Variants in SLC24A2 observed in about 807,000 individuals in gnomAD.
The protein encoded by SLC24A2 is solute carrier family 24 member 2.
A neutral mutation model predicts 62.0 loss-of-function variants in SLC24A2; 36 were observed. The observed-to-expected ratio is 0.58, with a 90% CI of 0.44 to 0.77. The LOEUF is 0.77. SLC24A2 is among the 30% of genes least tolerant of loss of function. The pLI, the probability that SLC24A2 is intolerant of heterozygous loss-of-function variation, is 0.00. For missense variants in SLC24A2, 846 were observed against 817.9 expected (o/e 1.03, Z -0.42); for synonymous variants, 358 against 294.0 (o/e 1.22, Z -2.23).
At chr9:19,698,662 A>C (rs1028467415) in intron 2 of SLC24A2, among the ~76,000 whole-genome samples, 3 of 151,940 alleles carry the variant, frequency 2.0e-5, no homozygotes, top group African/African-American at 7.3e-5. Flanking sequence ...TGGGGATATA[A>C]AGAGAAACAA....
chr9:19,578,613 C>T (rs564964231), intron 5 of SLC24A2, among the ~76,000 whole-genome samples: 2 of 151,752 alleles, frequency 1.3e-5, no homozygotes, highest in East Asian at 1.9e-4. Flanking sequence ...TCTCATTCTA[C>T]TTTTTTATTT....
chr9:20,031,374 T>G, the SLC24A2 span, among the ~76,000 whole-genome samples: 2 of 144,960 alleles, frequency 1.4e-5, no homozygotes, highest in African/African-American at 5.0e-5. Context: ...TATATATATA[T>G]AATTTTTTTC....
chr9:20,240,774 G>A, the SLC24A2 span, among the ~76,000 whole-genome samples: 63 of 152,296 alleles, frequency 4.1e-4, no homozygotes, highest in Admixed American at 1.9e-3. Context: ...ATTCCAGGAA[G>A]AGGGCTTCTA....
the SLC24A2 span, among the ~76,000 whole-genome samples, chr9:20,307,645 ATACT>A: frequency 6.6e-6 from 1 of 152,182 alleles, no homozygotes; most frequent in African/African-American, 2.4e-5. Flanking sequence ...TCGGCAGGAA[ATACT>A]TACTGCTTAA....
chr9:20,045,123 A>T, the SLC24A2 span, among the ~76,000 whole-genome samples: 5 of 152,216 alleles, frequency 3.3e-5, no homozygotes, highest in Non-Finnish European at 5.9e-5. Flanking sequence ...GATCGTATAG[A>T]TATACTATGC....
chr9:19,536,321 A>T (rs1461979905), intron 8 of SLC24A2, among the ~76,000 whole-genome samples: 4 of 149,224 alleles, frequency 2.7e-5, no homozygotes, highest in Non-Finnish European at 5.9e-5. Context: ...ATCTGTCATT[A>T]GGTATATCTC....
chr9:20,212,443 G>C, the SLC24A2 span, among the ~76,000 whole-genome samples: 138 of 151,862 alleles, frequency 9.1e-4, 1 homozygote, highest in African/African-American at 3.3e-3. Flanking sequence ...TTGAGGTCAG[G>C]AGTTTGAGAC....
At chr9:19,548,361 C>G (rs1430609432) in intron 8 of SLC24A2, among the ~76,000 whole-genome samples, 1 of 152,130 alleles carries the variant, frequency 6.6e-6, no homozygotes, top group African/African-American at 2.4e-5. Flanking sequence ...TGGATCTCAG[C>G]CCTACCTTCT....
the SLC24A2 span, among the ~76,000 whole-genome samples, chr9:20,305,666 A>C: frequency 2.0e-5 from 3 of 152,226 alleles, no homozygotes; most frequent in East Asian, 5.8e-4. Flanking sequence ...ATATTTGAGC[A>C]TATAACTCTG....
At chr9:20,080,454 T>C in the SLC24A2 span, among the ~76,000 whole-genome samples, 1 of 152,144 alleles carries the variant, frequency 6.6e-6, no homozygotes, top group Non-Finnish European at 1.5e-5. Context: ...ATCCCTTCCT[T>C]ACACCTTATA....
At chr9:19,705,448 C>A in intron 2 of SLC24A2, 1 of 180,470 alleles carries the variant, frequency 5.5e-6, no homozygotes. Context: ...TGCAGCACCA[C>A]CTCAAGAAGT....
chr9:19,685,103 C>A (rs1044093501), intron 2 of SLC24A2, among the ~76,000 whole-genome samples: 1 of 152,060 alleles, frequency 6.6e-6, no homozygotes, highest in African/African-American at 2.4e-5. Flanking sequence ...ACCAGCATTT[C>A]TAAACACCAA....
At chr9:20,210,801 G>A in the SLC24A2 span, among the ~76,000 whole-genome samples, 1 of 151,926 alleles carries the variant, frequency 6.6e-6, no homozygotes, top group African/African-American at 2.4e-5. Flanking sequence ...ACCGCGCCCG[G>A]CCACAGAAGG....
intron 2 of SLC24A2, among the ~76,000 whole-genome samples, chr9:19,739,943 A>T (rs1821623080): frequency 6.6e-6 from 1 of 152,194 alleles, no homozygotes; most frequent in Non-Finnish European, 1.5e-5. Context: ...CAGAATATAT[A>T]AAGAACTCCT....
rs147056232 is a variant in SLC24A2, at chr9:19,594,500, A to C, written c.1129+2729T>G. ...CAAAACCAACCAACCAACCAACCAA[A>C]CAAACAAAAAAATGACCCAGGCTTC... On this transcript the variant is annotated intron_variant, in intron 5 of 10. Transcript: ENST00000341998. Among the ~76,000 whole-genome samples, 363 of 152,184 alleles carry C rather than the reference A, an allele frequency of 2.4e-3. 1 individual carries two copies. Among genetic ancestry groups the C allele is most frequent in the African/African-American group, 7.8e-3 (322 of 41,518 alleles).
At chr9:19,874,282 G>A in the SLC24A2 span, among the ~76,000 whole-genome samples, 2 of 151,892 alleles carry the variant, frequency 1.3e-5, no homozygotes, top group African/African-American at 4.8e-5. Context: ...GTTTCGCCAT[G>A]TTGGCCAGGC....
At chr9:20,277,949 A>C in the SLC24A2 span, among the ~76,000 whole-genome samples, 1 of 152,202 alleles carries the variant, frequency 6.6e-6, no homozygotes, top group East Asian at 1.9e-4. Context: ...ACATGGATGA[A>C]GCTGGAAACC....
the SLC24A2 span, among the ~76,000 whole-genome samples, chr9:19,824,525 T>G: frequency 6.6e-6 from 1 of 152,184 alleles, no homozygotes; most frequent in Non-Finnish European, 1.5e-5. Context: ...AAACAACAGA[T>G]GCTGGCAAGG....
the SLC24A2 span, among the ~76,000 whole-genome samples, chr9:20,203,386 TTCAGCTCCACGG>T: frequency 7.9e-5 from 12 of 152,206 alleles, no homozygotes; most frequent in Non-Finnish European, 1.2e-4. Context: ...TTGCTCTTAA[TTCAGCTCCACGG>T]TATACCAAAA....
Sources: allele counts gnomAD v4.1 joint callset (sites outside exome capture counted in the v4.1 genomes callset), GRCh38; gene constraint gnomAD v4.1.1; transcripts MANE v1.5; gene names NCBI Gene and HGNC (gene_info 2026-07-23, HGNC 2026-07-21).